YTHDC2: variants seen among roughly 807,000 people sequenced by gnomAD.
The protein encoded by YTHDC2 is YTH N6-methyladenosine RNA binding protein C2.
YTHDC2 carries 45 observed loss-of-function variants against 174.9 expected under a neutral mutation model. The observed-to-expected ratio is 0.26, with a 90% CI of 0.20 to 0.33. YTHDC2 has a LOEUF of 0.33. Ranked by LOEUF, YTHDC2 falls within the 10% of genes least tolerant of loss-of-function variation. YTHDC2 has a pLI of 1.00. For synonymous variants in YTHDC2, 657 were observed against 574.5 expected, an observed-to-expected ratio of 1.14 and a Z score of -2.05; for missense variants, 1,650 against 1,723.7, an observed-to-expected ratio of 0.96 and a Z score of 0.76.
chr5:113,542,817 C>G (rs1775581488), intron 10 of YTHDC2, among the ~76,000 whole-genome samples: 1 of 152,108 alleles, frequency 6.6e-6, no homozygotes, highest in African/African-American at 2.4e-5. Context: ...CTTTCCCTTC[C>G]TTGGAAAGGA....
intron 23 of YTHDC2, among the ~76,000 whole-genome samples, chr5:113,570,001 C>G (rs1374780739): frequency 6.6e-6 from 1 of 152,146 alleles, no homozygotes; most frequent in Non-Finnish European, 1.5e-5. Context: ...TATGTCCTCT[C>G]TGATTTCTTT....
intron 8 of YTHDC2, 88 bp from the exon 9 acceptor site, chr5:113,540,880 C>G: frequency 7.8e-7 from 1 of 1,275,496 alleles, no homozygotes; most frequent in Non-Finnish European, 1.1e-6. Context: ...TAAGAGATAC[C>G]AGATTCCCAT....
intron 23 of YTHDC2, among the ~76,000 whole-genome samples, chr5:113,575,013 G>A (rs555334620): frequency 6.6e-6 from 1 of 152,316 alleles, no homozygotes; most frequent in East Asian, 1.9e-4. Flanking sequence ...TCCTGTGTGG[G>A]CTGTCGCCTT....
At position 113,565,874 on chromosome 5, in the gene YTHDC2, A is replaced by T; in HGVS notation, c.2716-19A>T. Reference sequence around the variant, plus strand: ...GATTAGTAAATGTGTCTTGTTATGCAATTATTCTCTTTTTATAGGCCTGGC... The same window carrying T: ...GATTAGTAAATGTGTCTTGTTATGCTATTATTCTCTTTTTATAGGCCTGGC... On this transcript the variant is annotated intron_variant, in intron 20 of 29. Transcript: ENST00000161863. 1 of 1,608,066 alleles carries T rather than the reference A, an allele frequency of 6.2e-7. No homozygotes were observed.
At chr5:113,565,517 A>G in intron 20 of YTHDC2, among the ~76,000 whole-genome samples, 1 of 152,190 alleles carries the variant, frequency 6.6e-6, no homozygotes. Context: ...GTTGACATAG[A>G]GATTATTTTT....
chr5:113,515,324 A>G lies in YTHDC2; in HGVS notation c.240A>G (p.Arg80=), dbSNP rs1230907333. The part of the protein sequence containing the change: ...LTSTERAFIH[R]LSQSLGLVSK... ...GTACTGAAAGAGCCTTTATTCATCG[A>G]CTCAGTCAGTCTCTTGGTTTGGTCT... The change falls in exon 2 of 30, where the codon CGA becomes CGG. Residue 80 remains arginine, a synonymous_variant. Transcript: ENST00000161863. The G allele has an allele frequency of 1.2e-6, 2 of 1,612,684 alleles. No homozygotes were observed. Among genetic ancestry groups the G allele is most frequent in the Non-Finnish European group, 1.7e-6 (2 of 1,179,776 alleles).
chr5:113,593,312 C>T lies in YTHDC2; in HGVS notation c.4222C>T (p.Pro1408Ser). The change falls in exon 29 of 30, where the codon CCT (proline) becomes TCT (serine). Residue 1408 changes from proline (P) to serine (S), a missense_variant. Pro to Ser is a moderately conservative substitution (Grantham distance 74). Transcript: ENST00000161863. Reference sequence around the variant, plus strand: ...CTTCTGATTTATCTAGGAACTAGAACCTCTGGTTGGTGAACAGTTGCTCCA... The same window carrying T: ...CTTCTGATTTATCTAGGAACTAGAATCTCTGGTTGGTGAACAGTTGCTCCA... ...QISRDGQELE[P>S]LVGEQLLQLW... is the part of the protein sequence containing the mutation. 6.2e-7 allele frequency: 1 copy of T among 1,612,280 alleles called. No individual in the cohort carries two copies. Among genetic ancestry groups the T allele is most frequent in the Non-Finnish European group, 8.5e-7 (1 of 1,178,840 alleles).
At chr5:113,526,946 G>A (rs1774300516) in intron 4 of YTHDC2, among the ~76,000 whole-genome samples, 161 bp downstream of exon 4, 2 of 150,836 alleles carry the variant, frequency 1.3e-5, no homozygotes, top group South Asian at 2.1e-4. Flanking sequence ...TATTTCAGAA[G>A]TAAATTACTA....
chr5:113,521,820 CA>C (rs59402463), intron 2 of YTHDC2, among the ~76,000 whole-genome samples: 100,662 of 118,486 alleles, frequency 0.85, 42,348 homozygotes, highest in Admixed American at 0.9. Flanking sequence ...GACTCTGTCT[CA>C]AAAAAAAAAA....
chr5:113,531,940 T>C (rs967024573), intron 4 of YTHDC2, among the ~76,000 whole-genome samples: 24 of 152,296 alleles, frequency 1.6e-4, no homozygotes, highest in African/African-American at 5.8e-4. Context: ...TAAAAATTTA[T>C]TTACTCCATG....
At chr5:113,521,092 C>G (rs577661274) in intron 2 of YTHDC2, among the ~76,000 whole-genome samples, 4 of 152,292 alleles carry the variant, frequency 2.6e-5, no homozygotes, top group Non-Finnish European at 4.4e-5. Context: ...AGGACATGGT[C>G]TCATTCTTTT....
intron 26 of YTHDC2, among the ~76,000 whole-genome samples, chr5:113,590,460 A>G (rs1778947009): frequency 1.3e-5 from 2 of 152,076 alleles, no homozygotes; most frequent in African/African-American, 4.8e-5. Flanking sequence ...TTTCCTTTGG[A>G]TCTTTCCCTA....
intron 3 of YTHDC2, among the ~76,000 whole-genome samples, chr5:113,525,703 G>C (rs1263103853): frequency 2.6e-5 from 4 of 152,014 alleles, no homozygotes; most frequent in African/African-American, 9.7e-5. Flanking sequence ...AGTACATTAA[G>C]TTGCTCAAAA....
intron 28 of YTHDC2, 170 bp downstream of exon 28, chr5:113,592,348 G>C (rs549410413): frequency 1.8e-6 from 1 of 549,654 alleles, no homozygotes; most frequent in Non-Finnish European, 3.0e-6. Context: ...TTGTAAATGT[G>C]TCTGATTGCT....
At chr5:113,547,776 G>A (rs1208378379) in intron 10 of YTHDC2, among the ~76,000 whole-genome samples, 1 of 152,108 alleles carries the variant, frequency 6.6e-6, no homozygotes, top group Admixed American at 6.6e-5. Flanking sequence ...TTAAATAGAA[G>A]ATAATTGGGT....
intron 23 of YTHDC2, among the ~76,000 whole-genome samples, chr5:113,568,844 C>CT (rs1249456358): frequency 6.6e-6 from 1 of 152,044 alleles, no homozygotes; most frequent in Non-Finnish European, 1.5e-5. Flanking sequence ...TACAAATGTA[C>CT]TTATCTTTAT....
At chr5:113,554,150 C>A in intron 16 of YTHDC2, 128 bp downstream of exon 16, 1 of 794,240 alleles carries the variant, frequency 1.3e-6, no homozygotes, top group Non-Finnish European at 1.8e-6. Flanking sequence ...CTTGGACCAG[C>A]GCATGCTTTT....
At chr5:113,572,618 C>T (rs1777802176) in intron 23 of YTHDC2, among the ~76,000 whole-genome samples, 1 of 152,208 alleles carries the variant, frequency 6.6e-6, no homozygotes, top group Non-Finnish European at 1.5e-5. Context: ...TTGTAGGTCT[C>T]TAAGAACTTG....
intron 4 of YTHDC2, 106 bp from the exon 5 acceptor site, chr5:113,532,773 G>T: frequency 1.0e-6 from 1 of 955,998 alleles, no homozygotes; most frequent in Non-Finnish European, 1.5e-6. Flanking sequence ...GATTATATTT[G>T]GACTTGTTAT....
Sources: gnomAD v4.1 joint callset for allele counts (sites outside exome capture counted in the v4.1 genomes callset) on GRCh38, gnomAD v4.1.1 for gene constraint, MANE v1.5 for transcripts, NCBI Gene and HGNC (gene_info 2026-07-23, HGNC 2026-07-21) for gene names.